Variants in CAMK2D observed in about 807,000 individuals in gnomAD.
The protein encoded by CAMK2D is calcium/calmodulin-dependent protein kinase type II subunit delta.
In CAMK2D, 37 loss-of-function variants were observed where a neutral mutation model predicts 84.0. The ratio of observed to expected loss-of-function variants is 0.44; its 90% confidence interval spans 0.34 to 0.58. CAMK2D has a LOEUF of 0.58. CAMK2D is among the 20% of genes least tolerant of loss of function. The pLI, the probability that CAMK2D is intolerant of heterozygous loss-of-function variation, is 0.02. For synonymous variants in CAMK2D, 202 were observed against 212.5 expected, an observed-to-expected ratio of 0.95 and a Z score of 0.43; for missense variants, 448 against 652.5, an observed-to-expected ratio of 0.69 and a Z score of 3.41.
intron 16 of CAMK2D, among the ~76,000 whole-genome samples, chr4:113,480,431 A>G (rs1330212973): frequency 6.6e-6 from 1 of 152,136 alleles, no homozygotes; most frequent in East Asian, 1.9e-4. Context: ...ACTTAATGCT[A>G]TGATATGAAT....
chr4:113,465,613 A>C lies in CAMK2D; in HGVS notation c.1136-9T>G, dbSNP rs1259951574. The C allele has an allele frequency of 6.4e-7, 1 of 1,557,588 alleles. No homozygotes were observed. The highest frequency in any genetic ancestry group is 8.8e-7 in the Non-Finnish European group (1 of 1,130,018). On this transcript the variant is annotated splice_polypyrimidine_tract_variant and intron_variant, in intron 16 of 20. Coordinates refer to ENST00000511664, the MANE Select transcript of CAMK2D (RefSeq NM_001321571.2). Reference sequence around the variant, plus strand: ...AATCTCTTGCTTTCGTGCTAAAGGCAAAAATATGGAGTTGGGTAAGAATAA... The same window carrying C: ...AATCTCTTGCTTTCGTGCTAAAGGCCAAAATATGGAGTTGGGTAAGAATAA...
At chr4:113,466,833 T>C (rs2097477971) in intron 16 of CAMK2D, among the ~76,000 whole-genome samples, 2 of 152,240 alleles carry the variant, frequency 1.3e-5, no homozygotes, top group South Asian at 4.1e-4. Context: ...GCATATGCTA[T>C]CTCTTGATAC....
intron 2 of CAMK2D, among the ~76,000 whole-genome samples, chr4:113,676,816 C>T (rs948127519): frequency 6.6e-6 from 1 of 152,210 alleles, no homozygotes; most frequent in African/African-American, 2.4e-5. Flanking sequence ...AATTTAGTTG[C>T]TTTTTCACAA....
intron 2 of CAMK2D, among the ~76,000 whole-genome samples, chr4:113,668,842 C>T (rs1311488733): frequency 2.6e-5 from 4 of 151,982 alleles, no homozygotes; most frequent in Admixed American, 2.0e-4. Context: ...TAAAATTGTT[C>T]GGTTTTATCT....
intron 16 of CAMK2D, among the ~76,000 whole-genome samples, chr4:113,479,947 A>G (rs750372645): frequency 6.6e-6 from 1 of 152,072 alleles, no homozygotes; most frequent in Non-Finnish European, 1.5e-5. Context: ...AAAAATGGTT[A>G]GGTATTGACA....
Position 113,554,214 on chromosome 4 carries a change from A to G in CAMK2D, c.276-2118T>C, listed in dbSNP as rs537526079. ...CCTAGCATTAATACATATTTGCTTA[A>G]TTAATGACTCTTGAAGTAATGATTA... On this transcript the variant is annotated intron_variant, in intron 4 of 20. Transcript: ENST00000511664. Among the ~76,000 whole-genome samples, 16 of 152,246 alleles carry G rather than the reference A, an allele frequency of 1.1e-4. No homozygotes were observed. The East Asian group carries it at 3.1e-3, about 29-fold the overall frequency.
At chr4:113,714,677 C>T (rs1185653416) in intron 2 of CAMK2D, among the ~76,000 whole-genome samples, 1 of 152,074 alleles carries the variant, frequency 6.6e-6, no homozygotes, top group Non-Finnish European at 1.5e-5. Flanking sequence ...TTAAACTAAC[C>T]CCTCTCTTCC....
chr4:113,753,384 G>T (rs2099621559), intron 2 of CAMK2D, among the ~76,000 whole-genome samples: 1 of 151,690 alleles, frequency 6.6e-6, no homozygotes, highest in South Asian at 2.1e-4. Flanking sequence ...ACCAGAAAAG[G>T]GGCTCAGGTA....
At chr4:113,562,394 GTAAGTC>G (rs2098702352) in intron 4 of CAMK2D, among the ~76,000 whole-genome samples, 1 of 152,116 alleles carries the variant, frequency 6.6e-6, no homozygotes, top group African/African-American at 2.4e-5. Context: ...AGAGATTGAG[GTAAGTC>G]TAGATCATTC....
intron 14 of CAMK2D, among the ~76,000 whole-genome samples, chr4:113,504,652 A>G (rs2098103138): frequency 6.6e-6 from 1 of 152,224 alleles, no homozygotes; most frequent in Non-Finnish European, 1.5e-5. Flanking sequence ...AGAAGAGCTA[A>G]GAGCAACCAA....
intron 16 of CAMK2D, among the ~76,000 whole-genome samples, chr4:113,485,918 T>C (rs2097761737): frequency 6.6e-6 from 1 of 152,316 alleles, no homozygotes; most frequent in Non-Finnish European, 1.5e-5. Flanking sequence ...CTATTGGTAA[T>C]GTTTCTCCTC....
At chr4:113,717,689 T>C (rs1046194566) in intron 2 of CAMK2D, among the ~76,000 whole-genome samples, 1 of 152,140 alleles carries the variant, frequency 6.6e-6, no homozygotes, top group Non-Finnish European at 1.5e-5. Context: ...TTTTCATTCC[T>C]AAAATCTTTG....
At chr4:113,465,443 G>T in intron 17 of CAMK2D, 86 bp downstream of exon 17, 1 of 783,442 alleles carries the variant, frequency 1.3e-6, no homozygotes, top group African/African-American at 1.8e-5. Context: ...TTAAATATAT[G>T]TGAATTCAGA....
At chr4:113,469,171 C>A (rs1192923616) in intron 16 of CAMK2D, among the ~76,000 whole-genome samples, 1 of 152,106 alleles carries the variant, frequency 6.6e-6, no homozygotes, top group Non-Finnish European at 1.5e-5. Flanking sequence ...CAAAATAAAA[C>A]CCAAGAACTG....
Position 113,761,171 on chromosome 4 carries a change from G to A in CAMK2D, c.-103C>T. The A allele has an allele frequency of 6.3e-7, 1 of 1,596,254 alleles. No individual in the cohort carries two copies. On this transcript the variant is annotated 5_prime_UTR_variant, in exon 1 of 21. Transcript: ENST00000511664. The stretch of plus-strand genomic sequence containing the variant: ...CCCCGCGGCGCTGTCACCCAGGGCC[G>A]CTCTTACTTTCCTGGTCCGAAAGTA...
rs143021744 is a variant in CAMK2D, at chr4:113,454,902, C to T, written c.*30-387G>A. ...TAAAATTCAAGTTCATCCTTAGCTT[C>T]TGTTATTATTGTTAGATTCCTTGGG... is the stretch of plus-strand genomic sequence containing the variant. On this transcript the variant is annotated intron_variant, in intron 20 of 20. Coordinates refer to ENST00000511664, the MANE Select transcript of CAMK2D (RefSeq NM_001321571.2). Among the ~76,000 whole-genome samples, 5 of 152,238 alleles carry T rather than the reference C, an allele frequency of 3.3e-5. No homozygotes were observed. The East Asian group carries it at 9.6e-4, about 29-fold the overall frequency.
intron 16 of CAMK2D, among the ~76,000 whole-genome samples, chr4:113,493,493 G>A (rs372248300): frequency 7.9e-5 from 12 of 152,078 alleles, no homozygotes; most frequent in East Asian, 3.9e-4. Flanking sequence ...TGGCTTGTAG[G>A]GTTTCTGCCG....
At chr4:113,494,506 T>G (rs2097898099) in intron 16 of CAMK2D, among the ~76,000 whole-genome samples, 1 of 152,172 alleles carries the variant, frequency 6.6e-6, no homozygotes, top group Non-Finnish European at 1.5e-5. Flanking sequence ...TTCTCAGATC[T>G]CCAGCTGCGT....
intron 2 of CAMK2D, chr4:113,754,344 T>C: frequency 1.0e-6 from 1 of 982,604 alleles, no homozygotes; most frequent in East Asian, 1.1e-4. Flanking sequence ...AGGAAGACTT[T>C]AAAAATAAAT....
Sources: allele counts gnomAD v4.1 joint callset (sites outside exome capture counted in the v4.1 genomes callset), GRCh38; gene constraint gnomAD v4.1.1; transcripts MANE v1.5; gene names NCBI Gene and HGNC (gene_info 2026-07-23, HGNC 2026-07-21).